The following LRRC4C variants were observed in gnomAD, a reference collection of about 807,000 sequenced individuals.
LRRC4C encodes leucine rich repeat containing 4C, also known as leucine-rich repeat-containing protein 4C.
In LRRC4C, 5 loss-of-function variants were observed where a neutral mutation model predicts 33.6. The ratio of observed to expected loss-of-function variants is 0.15; its 90% confidence interval spans 0.08 to 0.31. The LOEUF (loss-of-function observed/expected upper bound fraction) is 0.31. Among genes scored for constraint, LRRC4C ranks in the 10% least tolerant of loss-of-function variants. The probability of loss-of-function intolerance (pLI) is 1.00; values close to 1 mark genes in which losing one functional copy is unlikely to be tolerated. For missense variants in LRRC4C, 560 were observed against 796.7 expected (o/e 0.70, Z 3.58); for synonymous variants, 329 against 302.0 (o/e 1.09, Z -0.93).
chr11:40,789,336 A>T (rs1950540785), intron 2 of LRRC4C, among the ~76,000 whole-genome samples: 1 of 152,124 alleles, frequency 6.6e-6, no homozygotes, highest in East Asian at 1.9e-4. Context: ...CTTCATTGAT[A>T]ACTAGTCTGG....
chr11:40,234,386 T>C (rs1322991345), intron 5 of LRRC4C, among the ~76,000 whole-genome samples: 1 of 152,068 alleles, frequency 6.6e-6, no homozygotes, highest in East Asian at 1.9e-4. Context: ...GAGCCCCAGA[T>C]CCACTGACTG....
intron 2 of LRRC4C, among the ~76,000 whole-genome samples, chr11:40,822,171 G>A (rs1591808492): frequency 6.6e-6 from 1 of 151,438 alleles, no homozygotes; most frequent in African/African-American, 2.4e-5. Context: ...AACTTCCTAG[G>A]TTCTAGTCCA....
intron 1 of LRRC4C, among the ~76,000 whole-genome samples, chr11:41,406,176 T>C (rs937259964): frequency 6.6e-6 from 1 of 152,124 alleles, no homozygotes; most frequent in Non-Finnish European, 1.5e-5. Flanking sequence ...TCCTGATAAA[T>C]GTACACATAT....
At chr11:41,247,739 G>A (rs1948499868) in intron 1 of LRRC4C, among the ~76,000 whole-genome samples, 2 of 152,180 alleles carry the variant, frequency 1.3e-5, no homozygotes, top group Non-Finnish European at 2.9e-5. Context: ...ACTCAAAGAG[G>A]TGCGGATGGC....
intron 2 of LRRC4C, among the ~76,000 whole-genome samples, chr11:40,879,507 G>C (rs1955066393): frequency 6.6e-6 from 1 of 152,104 alleles, no homozygotes; most frequent in African/African-American, 2.4e-5. Context: ...GAAAACAGAG[G>C]GGAAGTCTGA....
At chr11:40,250,609 G>A (rs1168230325) in intron 4 of LRRC4C, among the ~76,000 whole-genome samples, 2 of 151,766 alleles carry the variant, frequency 1.3e-5, no homozygotes. Context: ...GCATGGTGGC[G>A]GGCGCCTGTA....
intron 3 of LRRC4C, among the ~76,000 whole-genome samples, chr11:40,414,345 G>C (rs1950252184): frequency 6.6e-6 from 1 of 152,172 alleles, no homozygotes; most frequent in South Asian, 2.1e-4. Context: ...AAATCTCAGT[G>C]GTTCTGTTTA....
At chr11:40,161,755 T>C (rs1465012896) in intron 5 of LRRC4C, among the ~76,000 whole-genome samples, 2 of 151,988 alleles carry the variant, frequency 1.3e-5, no homozygotes, top group African/African-American at 4.8e-5. Context: ...AGACTCCTTC[T>C]CCGAAAAAAA....
chr11:40,895,058 T>C (rs1445806780), intron 2 of LRRC4C, among the ~76,000 whole-genome samples: 1 of 152,140 alleles, frequency 6.6e-6, no homozygotes, highest in African/African-American at 2.4e-5. Flanking sequence ...TTGTACGGAA[T>C]GTATTTATTG....
At chr11:40,937,461 A>G (rs1957953007) in intron 1 of LRRC4C, among the ~76,000 whole-genome samples, 1 of 152,108 alleles carries the variant, frequency 6.6e-6, no homozygotes, top group Admixed American at 6.6e-5. Flanking sequence ...TCCATGTCTA[A>G]TATAATAAAA....
chr11:40,817,680 CA>C (rs1951761554), intron 2 of LRRC4C, among the ~76,000 whole-genome samples: 1 of 152,104 alleles, frequency 6.6e-6, no homozygotes, highest in African/African-American at 2.4e-5. Context: ...ACCTGGTAAT[CA>C]CTTTTGAATC....
chr11:40,571,108 T>C (rs960064695), intron 3 of LRRC4C, among the ~76,000 whole-genome samples: 6 of 152,070 alleles, frequency 3.9e-5, no homozygotes, highest in Non-Finnish European at 8.8e-5. Context: ...TATAACCACA[T>C]TGGAATAAAA....
At chr11:40,305,976 C>G (rs530075240) in intron 4 of LRRC4C, among the ~76,000 whole-genome samples, 1 of 152,144 alleles carries the variant, frequency 6.6e-6, no homozygotes, top group Admixed American at 6.5e-5. Flanking sequence ...ACTTGACCAA[C>G]GAGGTTGTTT....
At chr11:40,626,439 AT>A (rs59213554) in intron 3 of LRRC4C, among the ~76,000 whole-genome samples, 8 of 151,716 alleles carry the variant, frequency 5.3e-5, no homozygotes, top group African/African-American at 9.7e-5. Flanking sequence ...GTTCCATGAG[AT>A]TTTTTTTTGA....
At chr11:40,209,964 A>G (rs1863461986) in intron 5 of LRRC4C, among the ~76,000 whole-genome samples, 1 of 152,188 alleles carries the variant, frequency 6.6e-6, no homozygotes, top group Non-Finnish European at 1.5e-5. Flanking sequence ...CTAGTTAGAG[A>G]GAGTAGTACA....
chr11:40,461,530 T>G (rs914733140), intron 3 of LRRC4C, among the ~76,000 whole-genome samples: 5 of 152,030 alleles, frequency 3.3e-5, no homozygotes, highest in Non-Finnish European at 7.4e-5. Flanking sequence ...TGACACATAC[T>G]CAGTGCTCAG....
intron 1 of LRRC4C, among the ~76,000 whole-genome samples, chr11:41,129,826 C>G (rs1406503010): frequency 1.3e-5 from 2 of 151,862 alleles, no homozygotes; most frequent in African/African-American, 4.8e-5. Context: ...GTTATAGACC[C>G]TTTTCTCCCC....
At chr11:40,848,081 CTATCT>C (rs1485391410) in intron 2 of LRRC4C, among the ~76,000 whole-genome samples, 5 of 149,896 alleles carry the variant, frequency 3.3e-5, no homozygotes, top group African/African-American at 4.9e-5. Context: ...GTCTATCTAT[CTATCT>C]TTTTTTTTAA....
chr11:40,680,504 T>A (rs2136325965), intron 2 of LRRC4C, among the ~76,000 whole-genome samples: 1 of 152,252 alleles, frequency 6.6e-6, no homozygotes, highest in South Asian at 2.1e-4. Context: ...AGGGACCCAG[T>A]GGGAGATGAT....
Sources: gnomAD v4.1 joint callset for allele counts (sites outside exome capture counted in the v4.1 genomes callset) on GRCh38, gnomAD v4.1.1 for gene constraint, MANE v1.5 for transcripts, NCBI Gene and HGNC (gene_info 2026-07-23, HGNC 2026-07-21) for gene names.